Variants in MALRD1 observed in about 807,000 individuals in gnomAD.
The protein encoded by MALRD1 is MAM and LDL-receptor class A domain-containing protein 1.
A neutral mutation model predicts 242.1 loss-of-function variants in MALRD1; 247 were observed. The observed-to-expected ratio is 1.02, with a 90% CI of 0.92 to 1.13. The LOEUF (loss-of-function observed/expected upper bound fraction) is 1.13. Ranked by LOEUF, MALRD1 falls within the 50% of genes most tolerant of loss-of-function variation. The pLI is 0.00. For missense variants in MALRD1, 2,989 were observed against 2,533.1 expected, an observed-to-expected ratio of 1.18 and a Z score of -3.86; for synonymous variants, 995 against 866.6, an observed-to-expected ratio of 1.15 and a Z score of -2.60.
intron 33 of MALRD1, among the ~76,000 whole-genome samples, chr10:19,587,348 T>C (rs1043783698): frequency 8.5e-5 from 13 of 152,238 alleles, no homozygotes; most frequent in African/African-American, 2.9e-4. Flanking sequence ...TGAGCATTTT[T>C]ACTGTCTATA....
chr10:19,562,642 C>G (rs11010359), intron 32 of MALRD1, among the ~76,000 whole-genome samples: 6,784 of 152,184 alleles, frequency 0.045, 240 homozygotes, highest in Middle Eastern at 0.1. Context: ...CCTATGACCT[C>G]AATTCTCTAA....
chr10:19,689,757 ATTTTATC>A (rs1842744679), intron 36 of MALRD1, among the ~76,000 whole-genome samples: 1 of 152,104 alleles, frequency 6.6e-6, no homozygotes, highest in Non-Finnish European at 1.5e-5. Flanking sequence ...GACATTCATC[ATTTTATC>A]CCATGACAGT....
rs1385972906 is a variant in MALRD1 at position 19,280,111 on chromosome 10, C to A, written c.3144C>A (p.His1048Gln). 1.9e-6 allele frequency: 3 copies of A among 1,544,628 alleles called. No homozygotes were observed. The highest frequency in any genetic ancestry group is 2.6e-6 in the Non-Finnish European group (3 of 1,144,982). Residue 1048 changes from histidine (H) to glutamine (Q), a missense_variant, in exon 20 of 40, where the codon CAC becomes CAA. Physicochemically the swap from His to Gln is conservative, Grantham distance 24. Coordinates refer to ENST00000454679, the MANE Select transcript of MALRD1 (RefSeq NM_001142308.3). ...CAGTTCCTGTAACATTACCTCCACA[C>A]AACTGCACAGACAATGAATTTATCT... ...ETSVPVTLPP[H>Q]NCTDNEFICR...
chr10:19,280,011 C>T, intron 19 of MALRD1, 36 bp from the exon 20 acceptor site: 1 of 1,418,392 alleles, frequency 7.1e-7, no homozygotes, highest in Non-Finnish European at 9.2e-7. Flanking sequence ...ACCAGAAAAC[C>T]TGCTAAATGA....
intron 31 of MALRD1, among the ~76,000 whole-genome samples, chr10:19,516,810 A>AT (rs1211499045): frequency 6.8e-6 from 1 of 147,084 alleles, no homozygotes; most frequent in Non-Finnish European, 1.5e-5. Context: ...CATCATTATC[A>AT]TTTTCTCTAT....
At chr10:19,630,854 T>C (rs1184256080) in intron 36 of MALRD1, among the ~76,000 whole-genome samples, 1 of 152,184 alleles carries the variant, frequency 6.6e-6, no homozygotes, top group African/African-American at 2.4e-5. Context: ...CTATATTTTT[T>C]GGTTTGTTTT....
chr10:19,071,242 G>T (rs1460564959), intron 2 of MALRD1, among the ~76,000 whole-genome samples: 1 of 151,862 alleles, frequency 6.6e-6, no homozygotes, highest in Non-Finnish European at 1.5e-5. Flanking sequence ...CCCTACACAT[G>T]CATGTTTCCA....
chr10:19,450,501 A>G lies in MALRD1; in HGVS notation c.5029+11A>G, dbSNP rs1835263616. The stretch of plus-strand genomic sequence containing the variant: ...AAAACTGCACAACTGGTAAGTTTCC[A>G]GAAAGCACTTCCATTTGGAAGCACA... On this transcript the variant is annotated intron_variant, in intron 29 of 39. Transcript: ENST00000454679. The G allele has an allele frequency of 1.3e-6, 2 of 1,537,044 alleles. No individual in the cohort carries two copies. Among genetic ancestry groups the G allele is most frequent in the Non-Finnish European group, 1.8e-6 (2 of 1,140,800 alleles).
chr10:19,488,196 C>T (rs947351689), intron 29 of MALRD1, among the ~76,000 whole-genome samples: 1 of 152,136 alleles, frequency 6.6e-6, no homozygotes, highest in Non-Finnish European at 1.5e-5. Flanking sequence ...AAGAATTGCT[C>T]TAAAAATTCT....
At chr10:19,705,459 A>G (rs915244441) in intron 38 of MALRD1, among the ~76,000 whole-genome samples, 1 of 152,144 alleles carries the variant, frequency 6.6e-6, no homozygotes, top group South Asian at 2.1e-4. Flanking sequence ...TTCGCCTACA[A>G]GAAGTAAAGC....
intron 19 of MALRD1, among the ~76,000 whole-genome samples, chr10:19,262,645 G>A (rs1839800310): frequency 7.5e-6 from 1 of 133,494 alleles, no homozygotes; most frequent in Non-Finnish European, 1.6e-5. Flanking sequence ...GACAGAGCAA[G>A]AGTCTGTCTC....
At chr10:19,114,822 A>G (rs1271320437) in intron 5 of MALRD1, among the ~76,000 whole-genome samples, 1 of 152,182 alleles carries the variant, frequency 6.6e-6, no homozygotes, top group Non-Finnish European at 1.5e-5. Context: ...TCAAAATGTC[A>G]GCAGGATTGA....
intron 1 of MALRD1, among the ~76,000 whole-genome samples, chr10:19,054,158 A>T (rs867900768): frequency 2.0e-5 from 3 of 152,170 alleles, no homozygotes; most frequent in African/African-American, 4.8e-5. Context: ...TCATATTTTT[A>T]AAAAAGTGTA....
chr10:19,084,586 C>A (rs748556656), intron 2 of MALRD1, among the ~76,000 whole-genome samples: 28 of 151,858 alleles, frequency 1.8e-4, no homozygotes, highest in Non-Finnish European at 3.5e-4. Flanking sequence ...GGAGGAAGTA[C>A]AAGGCTGCCC....
At chr10:19,421,590 T>C (rs1035053825) in intron 28 of MALRD1, among the ~76,000 whole-genome samples, 4 of 152,204 alleles carry the variant, frequency 2.6e-5, no homozygotes, top group African/African-American at 9.7e-5. Context: ...GAGAAACACA[T>C]TTCATTATTG....
At chr10:19,569,960 G>A (rs868237406) in intron 33 of MALRD1, among the ~76,000 whole-genome samples, 3 of 151,594 alleles carry the variant, frequency 2.0e-5, no homozygotes, top group Non-Finnish European at 2.9e-5. Context: ...TGTAGCCTAA[G>A]AAATTACTGT....
rs1455987759 is a variant in MALRD1, at chr10:19,324,100, C to T, written c.3571C>T (p.Leu1191Phe). ...TATGAATGGGGCCACCGTTGGTTCT[C>T]TCCAGGTACTGCTTAGGCAATCACA... ...THMNGATVGS[L>F]QVLIKKDNVT... Residue 1191 changes from leucine to phenylalanine, a missense_variant, in exon 22 of 40, where the codon CTC (leucine) becomes TTC (phenylalanine). By Grantham distance (22) the Leu-to-Phe change is conservative (BLOSUM62 0). Coordinates refer to ENST00000454679, the MANE Select transcript of MALRD1 (RefSeq NM_001142308.3). 1.9e-6 allele frequency: 3 copies of T among 1,550,074 alleles called. No homozygotes were observed. Among genetic ancestry groups the T allele is most frequent in the African/African-American group, 2.7e-5 (2 of 73,142 alleles).
intron 33 of MALRD1, among the ~76,000 whole-genome samples, chr10:19,587,355 T>A (rs1249339654): frequency 6.6e-6 from 1 of 152,228 alleles, no homozygotes; most frequent in East Asian, 1.9e-4. Context: ...TTTTACTGTC[T>A]ATATCACTGC....
At chr10:19,672,255 T>A (rs1841954716) in intron 36 of MALRD1, among the ~76,000 whole-genome samples, 1 of 152,048 alleles carries the variant, frequency 6.6e-6, no homozygotes, top group African/African-American at 2.4e-5. Flanking sequence ...ACAGTGGAAT[T>A]GCTCTTAAAT....
Sources: gnomAD v4.1 joint callset for allele counts (sites outside exome capture counted in the v4.1 genomes callset) on GRCh38, gnomAD v4.1.1 for gene constraint, MANE v1.5 for transcripts, NCBI Gene and HGNC (gene_info 2026-07-23, HGNC 2026-07-21) for gene names.